TIMP3: variants seen among roughly 807,000 people sequenced by gnomAD.
The protein encoded by TIMP3 is TIMP metallopeptidase inhibitor 3.
A neutral mutation model predicts 30.0 loss-of-function variants in TIMP3; 11 were observed. The ratio of observed to expected loss-of-function variants is 0.37; its 90% CI spans 0.23 to 0.61. The LOEUF is 0.61. Ranked by LOEUF, TIMP3 falls within the 20% of genes least tolerant of loss-of-function variation. The pLI, the probability that TIMP3 is intolerant of heterozygous loss-of-function variation, is 0.70. For synonymous variants in TIMP3, 112 were observed against 111.3 expected, an observed-to-expected ratio of 1.01 and a Z score of -0.04; for missense variants, 181 against 276.8, an observed-to-expected ratio of 0.65 and a Z score of 2.45.
intron 1 of TIMP3, among the ~76,000 whole-genome samples, chr22:32,808,118 C>T (rs576552433): frequency 6.6e-6 from 1 of 152,078 alleles, no homozygotes; most frequent in Non-Finnish European, 1.5e-5. Flanking sequence ...TGGAGTAATT[C>T]GGTTGAAGAT....
intron 1 of TIMP3, among the ~76,000 whole-genome samples, chr22:32,827,808 C>T (rs1209351772): frequency 6.6e-6 from 1 of 152,154 alleles, no homozygotes; most frequent in East Asian, 1.9e-4. Context: ...CTCAAATGCT[C>T]CAGGCTCCAA....
intron 1 of TIMP3, among the ~76,000 whole-genome samples, chr22:32,847,835 T>A (rs1049526365): frequency 6.6e-6 from 1 of 152,232 alleles, no homozygotes; most frequent in South Asian, 2.1e-4. Flanking sequence ...AATTTGTAAT[T>A]CAAAGTATGA....
At chr22:32,842,329 G>T (rs2047933607) in intron 1 of TIMP3, among the ~76,000 whole-genome samples, 1 of 152,156 alleles carries the variant, frequency 6.6e-6, no homozygotes, top group Admixed American at 6.5e-5. Context: ...GAGGGACCCA[G>T]TCCAGGCAGG....
At chr22:32,849,395 G>T in intron 1 of TIMP3, 57 bp from the exon 2 acceptor site, 2 of 1,523,848 alleles carry the variant, frequency 1.3e-6, no homozygotes, top group Admixed American at 3.5e-5. Flanking sequence ...CTGAGATGCT[G>T]TTCCTGATGT....
intron 1 of TIMP3, among the ~76,000 whole-genome samples, chr22:32,847,697 G>GTGTGTT (rs991949929): frequency 8.5e-5 from 13 of 152,344 alleles, no homozygotes; most frequent in African/African-American, 2.6e-4. Context: ...ATGTGTGTGT[G>GTGTGTT]TGTGTTTGTG....
chr22:32,844,543 A>G (rs2048007087), intron 1 of TIMP3, among the ~76,000 whole-genome samples: 1 of 152,234 alleles, frequency 6.6e-6, no homozygotes, highest in Non-Finnish European at 1.5e-5. Flanking sequence ...ATATGCCTCT[A>G]TGCCTGGCTT....
chr22:32,804,298 C>A (rs1299685593), intron 1 of TIMP3, among the ~76,000 whole-genome samples: 1 of 152,158 alleles, frequency 6.6e-6, no homozygotes. Context: ...CGACCTCCCT[C>A]GCCTTGCACA....
intron 2 of TIMP3, among the ~76,000 whole-genome samples, chr22:32,855,791 T>C (rs931130670): frequency 3.3e-5 from 5 of 152,184 alleles, no homozygotes; most frequent in African/African-American, 1.2e-4. Flanking sequence ...GTCCCAAATA[T>C]TTCCTAGGGG....
In TIMP3 at chr22:32,802,037, C is replaced by T; in HGVS notation, c.36C>T (p.Gly12=). ...GGCTCGGGCTCATCGTGCTCCTGGG[C>T]AGCTGGAGCCTGGGGGACTGGGGCG... The part of the protein sequence containing the change: ...TPWLGLIVLL[G]SWSLGDWGAE... Residue 12 remains glycine (G), a synonymous_variant, in exon 1 of 5, where the codon GGC becomes GGT. Coordinates refer to ENST00000266085, the MANE Select transcript of TIMP3 (RefSeq NM_000362.5). 1 of 1,576,216 alleles carries T rather than the reference C, an allele frequency of 6.3e-7. No individual in the cohort carries two copies. The highest frequency in any genetic ancestry group is 1.2e-5 in the South Asian group (1 of 86,564).
chr22:32,810,458 G>A (rs955554938), intron 1 of TIMP3, among the ~76,000 whole-genome samples: 4 of 150,236 alleles, frequency 2.7e-5, no homozygotes, highest in Non-Finnish European at 4.4e-5. Flanking sequence ...AAAGCTGTAC[G>A]ATCTGGCCTC....
At chr22:32,848,544 T>C (rs1418377451) in intron 1 of TIMP3, among the ~76,000 whole-genome samples, 1 of 152,160 alleles carries the variant, frequency 6.6e-6, no homozygotes, top group Non-Finnish European at 1.5e-5. Context: ...TGGGAGCTGT[T>C]TTCATTGGAA....
At chr22:32,835,363 G>T (rs893240037) in intron 1 of TIMP3, among the ~76,000 whole-genome samples, 1 of 152,174 alleles carries the variant, frequency 6.6e-6, no homozygotes, top group Non-Finnish European at 1.5e-5. Flanking sequence ...TGGGGGCAGG[G>T]AAGAAAGAGG....
intron 1 of TIMP3, among the ~76,000 whole-genome samples, chr22:32,813,346 G>A (rs911270037): frequency 1.3e-5 from 2 of 152,272 alleles, no homozygotes; most frequent in South Asian, 2.1e-4. Flanking sequence ...GTGGTGAACC[G>A]TACAGTCCAG....
intron 4 of TIMP3, among the ~76,000 whole-genome samples, chr22:32,858,652 G>C (rs1018423124): frequency 2.6e-5 from 4 of 152,114 alleles, no homozygotes; most frequent in African/African-American, 9.7e-5. Flanking sequence ...GGAGGAAGTT[G>C]GGCCATTCTC....
intron 1 of TIMP3, among the ~76,000 whole-genome samples, chr22:32,810,686 G>C (rs2046893281): frequency 6.6e-6 from 1 of 152,212 alleles, no homozygotes; most frequent in Non-Finnish European, 1.5e-5. Context: ...CTGCAGAGAA[G>C]AGCTGTTTCA....
intron 1 of TIMP3, among the ~76,000 whole-genome samples, chr22:32,812,909 A>T (rs1445634507): frequency 2.0e-5 from 3 of 152,234 alleles, no homozygotes; most frequent in African/African-American, 7.2e-5. Flanking sequence ...AAGGACTGAG[A>T]GATCCAAGAA....
chr22:32,843,354 G>A (rs1421120285), intron 1 of TIMP3, among the ~76,000 whole-genome samples: 1 of 152,220 alleles, frequency 6.6e-6, no homozygotes, highest in East Asian at 1.9e-4. Context: ...TGTAATTCTT[G>A]AATGGGTGAG....
intron 1 of TIMP3, among the ~76,000 whole-genome samples, chr22:32,808,466 G>T (rs752840795): frequency 6.6e-6 from 1 of 152,184 alleles, no homozygotes; most frequent in Non-Finnish European, 1.5e-5. Flanking sequence ...TATTATGGGA[G>T]CTAGAAGGCC....
chr22:32,835,117 G>A (rs1388206851), intron 1 of TIMP3, among the ~76,000 whole-genome samples: 2 of 152,200 alleles, frequency 1.3e-5, no homozygotes, highest in East Asian at 1.9e-4. Flanking sequence ...AGTTCATGCA[G>A]CGGAATTGGC....
Sources: allele counts gnomAD v4.1 joint callset (sites outside exome capture counted in the v4.1 genomes callset), GRCh38; gene constraint gnomAD v4.1.1; transcripts MANE v1.5; gene names NCBI Gene and HGNC (gene_info 2026-07-23, HGNC 2026-07-21).